The following CPS1 variants were observed in gnomAD, a reference collection of about 807,000 sequenced individuals.
CPS1 encodes the protein carbamoyl-phosphate synthase [ammonia], mitochondrial.
In CPS1, 109 loss-of-function variants were observed where a neutral mutation model predicts 174.6. The ratio of observed to expected loss-of-function variants is 0.62; its 90% CI spans 0.53 to 0.73. The LOEUF is 0.73. CPS1 is among the 30% of genes least tolerant of loss of function. CPS1 has a pLI of 0.00. For missense variants in CPS1, 1,689 were observed against 1,821.9 expected, an observed-to-expected ratio of 0.93 and a Z score of 1.33; for synonymous variants, 637 against 632.0, an observed-to-expected ratio of 1.01 and a Z score of -0.12.
In CPS1 at chr2:210,667,226, G is replaced by A. The variant is rs182088916; in HGVS notation, c.4003-960G>A. Among the ~76,000 whole-genome samples the A allele has an allele frequency of 4.4e-3, 670 of 152,076 alleles. 3 individuals are homozygous for A. The highest frequency in any genetic ancestry group is 0.014 in the African/African-American group (584 of 41,474). ...TGCTTATCAGCTTAAGGAGATTTTGGGCTGAGACAGTGGGGTTTTCTAGAT... is the reference window on the plus strand; with the variant it reads ...TGCTTATCAGCTTAAGGAGATTTTGAGCTGAGACAGTGGGGTTTTCTAGAT... On this transcript the variant is annotated intron_variant, in intron 33 of 37. Transcript: ENST00000233072.
At chr2:210,547,421 G>GAAA (rs1696593443) in intron 1 of CPS1, among the ~76,000 whole-genome samples, 13 of 151,908 alleles carry the variant, frequency 8.6e-5, no homozygotes, top group Non-Finnish European at 1.8e-4. Flanking sequence ...TCAGTTCACT[G>GAAA]TAATATTTCA....
intron 21 of CPS1, among the ~76,000 whole-genome samples, chr2:210,634,993 G>A (rs1027802738): frequency 3.9e-5 from 6 of 152,108 alleles, no homozygotes; most frequent in Non-Finnish European, 5.9e-5. Flanking sequence ...GTCTGAGCTG[G>A]AGTGCAGTGG....
intron 34 of CPS1, among the ~76,000 whole-genome samples, chr2:210,668,956 T>C (rs1701197717): frequency 6.6e-6 from 1 of 152,188 alleles, no homozygotes; most frequent in African/African-American, 2.4e-5. Context: ...AATACATTGA[T>C]GTTATTTGAT....
chr2:210,634,598 C>T (rs1699982000), intron 21 of CPS1, among the ~76,000 whole-genome samples: 1 of 152,128 alleles, frequency 6.6e-6, no homozygotes, highest in East Asian at 1.9e-4. Flanking sequence ...CAGCTGGGGT[C>T]CCCTGCCCTG....
intron 1 of CPS1, among the ~76,000 whole-genome samples, chr2:210,570,377 G>A (rs1697435103): frequency 6.6e-6 from 1 of 151,862 alleles, no homozygotes; most frequent in African/African-American, 2.4e-5. Context: ...TGAAGGGAGT[G>A]AGAAAAATAC....
chr2:210,509,148 C>T (rs1351882686), intron 1 of CPS1, among the ~76,000 whole-genome samples: 20 of 152,196 alleles, frequency 1.3e-4, no homozygotes, highest in African/African-American at 2.6e-4. Flanking sequence ...ACTGGCAAAC[C>T]GAATCCAGCA....
chr2:210,610,018 C>T (rs942346488), intron 19 of CPS1, among the ~76,000 whole-genome samples: 10 of 151,924 alleles, frequency 6.6e-5, no homozygotes, highest in African/African-American at 2.2e-4. Context: ...AAATGTCTTA[C>T]TAGTTGTAAA....
upstream of CPS1, chr2:210,555,593 T>G (rs1198775399): frequency 1.1e-5 from 5 of 455,336 alleles, no homozygotes; most frequent in African/African-American, 8.0e-5. Context: ...GATTCTATGT[T>G]ATTGAAGCTT....
intron 1 of CPS1, among the ~76,000 whole-genome samples, chr2:210,551,343 A>G (rs1300845087): frequency 1.3e-5 from 2 of 152,002 alleles, no homozygotes; most frequent in Non-Finnish European, 2.9e-5. Flanking sequence ...ATTGGCAATA[A>G]CTCATTTATA....
chr2:210,659,565 A>G (rs1054990845), intron 31 of CPS1, among the ~76,000 whole-genome samples: 1 of 152,142 alleles, frequency 6.6e-6, no homozygotes, highest in Non-Finnish European at 1.5e-5. Flanking sequence ...ACCAAATTTC[A>G]ACATGAGTTT....
intron 1 of CPS1, among the ~76,000 whole-genome samples, chr2:210,540,613 G>T (rs974947039): frequency 6.6e-5 from 10 of 152,124 alleles, no homozygotes; most frequent in Non-Finnish European, 2.9e-5. Context: ...AACTTATTCT[G>T]TTTAAATTCT....
chr2:210,556,923 G>T, intron 1 of CPS1, 64 bp downstream of exon 1: 3 of 1,568,168 alleles, frequency 1.9e-6, no homozygotes, highest in Non-Finnish European at 2.6e-6. Flanking sequence ...GTGAAGCAAA[G>T]GTGTCCCTTA....
At chr2:210,520,775 C>T (rs1373760481) in intron 1 of CPS1, among the ~76,000 whole-genome samples, 2 of 151,990 alleles carry the variant, frequency 1.3e-5, no homozygotes, top group African/African-American at 2.4e-5. Context: ...GTTTGGCAAT[C>T]AATGGTTCAT....
upstream of CPS1, among the ~76,000 whole-genome samples, chr2:210,555,813 T>A (rs1696896733): frequency 6.6e-6 from 1 of 152,072 alleles, no homozygotes; most frequent in South Asian, 2.1e-4. Context: ...ACTGAAGGGT[T>A]AAGTGAATCA....
At chr2:210,514,798 T>TC (rs1695631380) in intron 1 of CPS1, among the ~76,000 whole-genome samples, 1 of 150,714 alleles carries the variant, frequency 6.6e-6, no homozygotes. Context: ...TTTTTTTTTT[T>TC]GGTCTGTTTA....
intron 1 of CPS1, among the ~76,000 whole-genome samples, chr2:210,507,699 G>A (rs1376009557): frequency 4.9e-5 from 7 of 142,898 alleles, no homozygotes; most frequent in Admixed American, 7.1e-5. Context: ...CAAGCAAATG[G>A]AAAACAAAAA....
chr2:210,512,324 C>T (rs1180611580), intron 1 of CPS1, among the ~76,000 whole-genome samples: 1 of 151,516 alleles, frequency 6.6e-6, no homozygotes, highest in African/African-American at 2.4e-5. Flanking sequence ...GGGCATAGTA[C>T]CCAACAATTT....
intron 1 of CPS1, among the ~76,000 whole-genome samples, chr2:210,539,021 C>A (rs546003183): frequency 5.3e-5 from 8 of 152,158 alleles, no homozygotes; most frequent in Non-Finnish European, 1.2e-4. Context: ...TGTTTTACTG[C>A]GTATATTGTT....
chr2:210,515,647 C>T (rs1695662309), intron 1 of CPS1, among the ~76,000 whole-genome samples: 1 of 151,672 alleles, frequency 6.6e-6, no homozygotes. Context: ...TTTCAAAGAA[C>T]CCACTTTTAG....
Sources: gnomAD v4.1 joint callset for allele counts (sites outside exome capture counted in the v4.1 genomes callset) on GRCh38, gnomAD v4.1.1 for gene constraint, MANE v1.5 for transcripts, NCBI Gene and HGNC (gene_info 2026-07-23, HGNC 2026-07-21) for gene names.